ZFR2: variants seen among roughly 807,000 people sequenced by gnomAD.
ZFR2 encodes the protein zinc finger RNA-binding protein 2.
In ZFR2, 104 loss-of-function variants were observed where a neutral mutation model predicts 105.7. The ratio of observed to expected loss-of-function variants is 0.98; its 90% CI spans 0.84 to 1.16. The LOEUF is 1.16. ZFR2 is among the 50% of genes most tolerant of loss of function. The probability of loss-of-function intolerance (pLI) is 0.00; values close to 1 mark genes in which losing one functional copy is unlikely to be tolerated. For missense variants in ZFR2, 1,425 were observed against 1,355.5 expected (o/e 1.05, Z -0.80); for synonymous variants, 634 against 597.7 (o/e 1.06, Z -0.89).
At chr19:3,849,966 C>T (rs2038219632) in intron 1 of ZFR2, among the ~76,000 whole-genome samples, 1 of 152,160 alleles carries the variant, frequency 6.6e-6, no homozygotes, top group Non-Finnish European at 1.5e-5. Context: ...AACGTCACAG[C>T]TGTGAGCAGA....
At chr19:3,830,903 A>G (rs2038004579) in intron 5 of ZFR2, among the ~76,000 whole-genome samples, 2 of 152,128 alleles carry the variant, frequency 1.3e-5, no homozygotes, top group African/African-American at 4.8e-5. Context: ...ATGCACACAC[A>G]CACACGGGCG....
chr19:3,869,000 A>G lies in ZFR2; in HGVS notation c.18T>C (p.Tyr6=). MATSQ[Y]FDFAQGGGPQ... ...GGCCGCCGCCCTGCGCGAAGTCGAAATACTGACTCGTCGCCATCTTGGCGT... is the reference window on the plus strand; with the variant it reads ...GGCCGCCGCCCTGCGCGAAGTCGAAGTACTGACTCGTCGCCATCTTGGCGT... The change falls in exon 1 of 19, where the codon TAT becomes TAC. Residue 6 remains tyrosine (Y), a synonymous_variant. Coordinates refer to ENST00000262961, the MANE Select transcript of ZFR2 (RefSeq NM_015174.2). The G allele has an allele frequency of 7.3e-7, 1 of 1,377,706 alleles. No individual in the cohort carries two copies. The allele number at this position is 1,377,706 out of a possible 1,614,324, so 85.3% of individuals were successfully genotyped here.
chr19:3,842,670 C>T (rs1327541429), intron 1 of ZFR2, among the ~76,000 whole-genome samples: 2 of 148,828 alleles, frequency 1.3e-5, no homozygotes, highest in Admixed American at 1.4e-4. Flanking sequence ...GTGGTCCTGG[C>T]TGGAGTGCAG....
chr19:3,807,937 C>G (rs866939523), intron 17 of ZFR2, among the ~76,000 whole-genome samples: 1 of 134,342 alleles, frequency 7.4e-6, no homozygotes, highest in Non-Finnish European at 1.6e-5. Flanking sequence ...GCATGCATGT[C>G]TGTGTGTGCA....
Position 3,821,403 on chromosome 19 carries a change from C to G in ZFR2, c.1568G>C (p.Arg523Thr). Residue 523 changes from arginine (R) to threonine (T), a missense_variant, in exon 10 of 19, where the codon AGG becomes ACG. Coordinates refer to ENST00000262961, the MANE Select transcript of ZFR2 (RefSeq NM_015174.2). ...RARKVLEERM[R>T]KQRHLAEERL... Reference sequence around the variant, plus strand: ...CTCCTCCGCCAGGTGCCGCTGCTTCCTCATGCGCTCCTCCAGGACCTTCCG... The same window carrying G: ...CTCCTCCGCCAGGTGCCGCTGCTTCGTCATGCGCTCCTCCAGGACCTTCCG... 1 of 1,611,868 alleles carries G rather than the reference C, an allele frequency of 6.2e-7. No homozygotes were observed.
chr19:3,823,196 G>A lies in ZFR2; in HGVS notation c.1371+50C>T. 1 of 1,612,310 alleles carries A rather than the reference G, an allele frequency of 6.2e-7. No homozygotes were observed. The highest frequency in any genetic ancestry group is 1.1e-5 in the South Asian group (1 of 90,992). On this transcript the variant is annotated intron_variant, in intron 8 of 18. Transcript: ENST00000262961. The surrounding 1 kb of genome is among the most constrained non-coding windows in gnomAD (Gnocchi z 5.4). ...GTGAGGTCTCGAAGCCTGATCCATG[G>A]GAAGGTCCTTCCCTGACCGGGGCAC...
chr19:3,833,912 G>T, intron 2 of ZFR2, 134 bp from the exon 3 acceptor site: 1 of 680,484 alleles, frequency 1.5e-6, no homozygotes, highest in Non-Finnish European at 2.4e-6. Flanking sequence ...CGTCTGCCCA[G>T]GACCAGGCCC....
Position 3,858,796 on chromosome 19 carries a change from C to T in ZFR2, c.53+10169G>A, listed in dbSNP as rs1476155506. Reference sequence around the variant, plus strand: ...TTGCACCACTGTACTCCAGCCTGGGCGACAGAGTGAGACTCCGTCTCAAAA... The same window carrying T: ...TTGCACCACTGTACTCCAGCCTGGGTGACAGAGTGAGACTCCGTCTCAAAA... On this transcript the variant is annotated intron_variant, in intron 1 of 18. Coordinates refer to ENST00000262961, the MANE Select transcript of ZFR2 (RefSeq NM_015174.2). The surrounding 1 kb of genome is among the most constrained non-coding windows in gnomAD (Gnocchi z 4.3). Among the ~76,000 whole-genome samples the T allele has an allele frequency of 1.3e-5, 2 of 152,150 alleles. No individual in the cohort carries two copies. Among genetic ancestry groups the T allele is most frequent in the Non-Finnish European group, 2.9e-5 (2 of 68,030 alleles).
At chr19:3,848,942 C>A (rs541482289) in intron 1 of ZFR2, among the ~76,000 whole-genome samples, 1 of 143,506 alleles carries the variant, frequency 7.0e-6, no homozygotes, top group Admixed American at 6.9e-5. Context: ...TGCAGTGAGC[C>A]GAGATCACAC....
At position 3,823,359 on chromosome 19, in the gene ZFR2, T is replaced by TC. The variant is rs1568422002; in HGVS notation, c.1257dup (p.Lys420GlufsTer6). On this transcript the variant is annotated frameshift_variant, in exon 8 of 19. Transcript: ENST00000262961. LOFTEE classifies it high-confidence loss of function. The surrounding 1 kb of genome is among the most constrained non-coding windows in gnomAD (Gnocchi z 5.4). ...CCCTCTAATTTAGGTTGGGCTGGTTTCCCCCACTGGGGTCTGCAGCCTGCT... is the reference window on the plus strand; with the variant it reads ...CCCTCTAATTTAGGTTGGGCTGGTTTCCCCCCACTGGGGTCTGCAGCCTGCT... The TC allele has an allele frequency of 1.2e-6, 2 of 1,613,616 alleles. No individual in the cohort carries two copies. The highest frequency in any genetic ancestry group is 1.7e-5 in the Admixed American group (1 of 59,976).
At chr19:3,860,691 C>T (rs1475587525) in intron 1 of ZFR2, among the ~76,000 whole-genome samples, 1 of 152,120 alleles carries the variant, frequency 6.6e-6, no homozygotes, top group Non-Finnish European at 1.5e-5. Context: ...AGCTACGTGC[C>T]CTCCCAGACG....
At chr19:3,846,635 C>T (rs975306324) in intron 1 of ZFR2, among the ~76,000 whole-genome samples, 2 of 152,162 alleles carry the variant, frequency 1.3e-5, no homozygotes, top group Non-Finnish European at 2.9e-5. Flanking sequence ...TTGAAACTGT[C>T]CCGATTCATT....
rs898152004 is a variant in ZFR2 at position 3,805,899 on chromosome 19, G to A, written c.*50C>T. On this transcript the variant is annotated 3_prime_UTR_variant, in exon 19 of 19. Coordinates refer to ENST00000262961, the MANE Select transcript of ZFR2 (RefSeq NM_015174.2). Reference sequence around the variant, plus strand: ...AGCAGCCATTGGTCGGCGCGCACACGTCCAGGAGTGCAGGGATGCAAAGGC... The same window carrying A: ...AGCAGCCATTGGTCGGCGCGCACACATCCAGGAGTGCAGGGATGCAAAGGC... 14 of 1,472,532 alleles carry A rather than the reference G, an allele frequency of 9.5e-6. No individual in the cohort carries two copies. The highest frequency in any genetic ancestry group is 1.4e-5 in the African/African-American group (1 of 70,032). The allele number at this position is 1,472,532 out of a possible 1,614,324, so 91.2% of individuals were successfully genotyped here.
In ZFR2 at chr19:3,821,272, C is replaced by A. The variant is rs369732162; in HGVS notation, c.1631+68G>T. On this transcript the variant is annotated intron_variant, in intron 10 of 18. Transcript: ENST00000262961. The stretch of plus-strand genomic sequence containing the variant: ...GAGCTCCGTAATCTGCAGCAGTGGG[C>A]GTCTAGGTTCCACGCTGGACCTGCC... 26 of 1,456,178 alleles carry A rather than the reference C, an allele frequency of 1.8e-5. No homozygotes were observed. In the East Asian group the frequency reaches 5.5e-4, roughly 31 times the overall value. The allele number at this position is 1,456,178 out of a possible 1,614,324, so 90.2% of individuals were successfully genotyped here.
At chr19:3,868,600 G>A (rs1175975626) in intron 1 of ZFR2, among the ~76,000 whole-genome samples, 1 of 135,206 alleles carries the variant, frequency 7.4e-6, no homozygotes. Flanking sequence ...GCCCGGGTCT[G>A]TCCCCTCTCG....
At chr19:3,807,786 G>A (rs187893189) in intron 17 of ZFR2, among the ~76,000 whole-genome samples, 17 of 150,956 alleles carry the variant, frequency 1.1e-4, no homozygotes, top group Non-Finnish European at 1.9e-4. Flanking sequence ...GCGTATGCAT[G>A]TGCGCCTGTG....
chr19:3,812,288 C>T (rs954248052), intron 14 of ZFR2, among the ~76,000 whole-genome samples: 11 of 152,070 alleles, frequency 7.2e-5, no homozygotes, highest in African/African-American at 4.8e-5. Context: ...CTACCTTGCC[C>T]AGGCTGGTCT....
At chr19:3,841,632 C>A (rs2038134120) in intron 1 of ZFR2, among the ~76,000 whole-genome samples, 3 of 152,094 alleles carry the variant, frequency 2.0e-5, no homozygotes, top group Admixed American at 1.3e-4. Flanking sequence ...CATAGCCAGA[C>A]CCTGTCACCA....
At chr19:3,807,746 C>CTGTG (rs2037714912) in intron 17 of ZFR2, among the ~76,000 whole-genome samples, 1 of 92,904 alleles carries the variant, frequency 1.1e-5, no homozygotes, top group Non-Finnish European at 1.9e-5. Context: ...GCATGTGTGC[C>CTGTG]TGTGCATGCA....
Sources: allele counts gnomAD v4.1 joint callset (sites outside exome capture counted in the v4.1 genomes callset), GRCh38; gene constraint gnomAD v4.1.1; non-coding constraint Gnocchi (gnomAD v3.1); transcripts MANE v1.5; gene names NCBI Gene and HGNC (gene_info 2026-07-23, HGNC 2026-07-21).